FSTL5: variants seen among roughly 807,000 people sequenced by gnomAD.
The protein encoded by FSTL5 is follistatin like 5.
Under a neutral mutation model 89.1 loss-of-function variants are expected in FSTL5, and 62 were observed. The observed-to-expected ratio is 0.70, with a 90% CI of 0.57 to 0.86. The LOEUF is 0.86. Among genes scored for constraint, FSTL5 ranks in the 40% least tolerant of loss-of-function variants. The probability of loss-of-function intolerance (pLI) is 0.00; values close to 1 mark genes in which losing one functional copy is unlikely to be tolerated. For missense variants in FSTL5, 1,057 were observed against 1,001.6 expected (o/e 1.06, Z -0.75); for synonymous variants, 383 against 346.2 (o/e 1.11, Z -1.18).
intron 3 of FSTL5, among the ~76,000 whole-genome samples, chr4:162,006,213 T>C (rs1455421039): frequency 6.6e-6 from 1 of 152,046 alleles, no homozygotes; most frequent in East Asian, 1.9e-4. Context: ...GGTAGATTCT[T>C]ACCCTTTTAT....
intron 3 of FSTL5, among the ~76,000 whole-genome samples, chr4:161,987,150 T>G (rs1464182338): frequency 1.3e-5 from 2 of 152,130 alleles, no homozygotes; most frequent in African/African-American, 4.8e-5. Flanking sequence ...TTATCAAACC[T>G]AATCCACTTA....
chr4:161,431,641 C>T (rs957112714), intron 15 of FSTL5, among the ~76,000 whole-genome samples: 1 of 151,926 alleles, frequency 6.6e-6, no homozygotes, highest in Admixed American at 6.6e-5. Flanking sequence ...TGTAAATGGA[C>T]TAAACTCTTC....
intron 6 of FSTL5, among the ~76,000 whole-genome samples, chr4:161,741,395 G>C (rs991099374): frequency 6.6e-6 from 1 of 152,130 alleles, no homozygotes; most frequent in Non-Finnish European, 1.5e-5. Context: ...AATGTTACTG[G>C]TTTTAAAGGT....
At chr4:161,831,108 G>T (rs538135616) in intron 4 of FSTL5, among the ~76,000 whole-genome samples, 1 of 151,608 alleles carries the variant, frequency 6.6e-6, no homozygotes, top group Non-Finnish European at 1.5e-5. Flanking sequence ...CTGCTCTTGC[G>T]GTGAGAGTGG....
At chr4:161,976,909 CT>C (rs1294371068) in intron 3 of FSTL5, among the ~76,000 whole-genome samples, 1 of 152,148 alleles carries the variant, frequency 6.6e-6, no homozygotes, top group African/African-American at 2.4e-5. Flanking sequence ...ATGATTGAAA[CT>C]TTGTTGATAT....
intron 3 of FSTL5, among the ~76,000 whole-genome samples, chr4:162,023,424 A>C (rs1737168385): frequency 1.3e-5 from 2 of 152,136 alleles, no homozygotes; most frequent in South Asian, 4.1e-4. Context: ...AACCACACAC[A>C]TGTTTTCTCT....
intron 15 of FSTL5, among the ~76,000 whole-genome samples, chr4:161,396,477 A>T (rs1031800944): frequency 6.8e-6 from 1 of 147,174 alleles, no homozygotes; most frequent in Non-Finnish European, 1.5e-5. Flanking sequence ...CTCCATCTCT[A>T]CTAAAAATAC....
intron 2 of FSTL5, among the ~76,000 whole-genome samples, chr4:162,081,237 T>C (rs1730086081): frequency 6.6e-6 from 1 of 151,598 alleles, no homozygotes; most frequent in Admixed American, 6.6e-5. Flanking sequence ...AGCACCAAAA[T>C]GCTCTTAACA....
chr4:162,005,047 T>C (rs1736578069), intron 3 of FSTL5, among the ~76,000 whole-genome samples: 1 of 152,162 alleles, frequency 6.6e-6, no homozygotes, highest in Non-Finnish European at 1.5e-5. Context: ...ATGCTGTGTC[T>C]GTCTCTCTAA....
chr4:162,105,290 G>A (rs1579031660), intron 2 of FSTL5, among the ~76,000 whole-genome samples: 1 of 152,082 alleles, frequency 6.6e-6, no homozygotes, highest in African/African-American at 2.4e-5. Context: ...GTTAATTATA[G>A]CCTCCATACT....
chr4:161,997,296 T>C (rs948426510), intron 3 of FSTL5, among the ~76,000 whole-genome samples: 3 of 152,214 alleles, frequency 2.0e-5, no homozygotes, highest in Non-Finnish European at 4.4e-5. Flanking sequence ...TTTTCCAATA[T>C]ATCTTAAGAT....
intron 3 of FSTL5, among the ~76,000 whole-genome samples, chr4:162,025,699 T>C (rs1336715351): frequency 5.3e-5 from 8 of 152,060 alleles, no homozygotes; most frequent in Non-Finnish European, 8.8e-5. Context: ...ACCCATGTAA[T>C]GAGTTGCAAC....
At chr4:161,713,648 TCA>T (rs149521217) in intron 6 of FSTL5, among the ~76,000 whole-genome samples, 10 of 151,510 alleles carry the variant, frequency 6.6e-5, no homozygotes, top group African/African-American at 9.7e-5. Context: ...CCATTCAAAA[TCA>T]CACACACACA....
rs1441547740 is a variant in FSTL5 at position 161,776,078 on chromosome 4, T to C, written c.410-4A>G. 1.4e-6 allele frequency: 2 copies of C among 1,409,654 alleles called. No individual in the cohort carries two copies. The allele number at this position is 1,409,654 out of a possible 1,614,324, so 87.3% of individuals were successfully genotyped here. A position where few individuals can be genotyped will look rare whatever the true frequency, so the allele number is the denominator to read the frequency against. ...TCAGTAGTCTTGCACTTATCTCCTG[T>C]AACAAAAGAACTAGTTATTTTCAAG... is the stretch of plus-strand genomic sequence containing the variant. On this transcript the variant is annotated splice_polypyrimidine_tract_variant and splice_region_variant and intron_variant, in intron 4 of 15. Coordinates refer to ENST00000306100, the MANE Select transcript of FSTL5 (RefSeq NM_020116.5).
chr4:161,417,110 G>A (rs534921435), intron 15 of FSTL5, among the ~76,000 whole-genome samples: 1 of 152,176 alleles, frequency 6.6e-6, no homozygotes, highest in South Asian at 2.1e-4. Flanking sequence ...ATGTTATTTA[G>A]TTTAAAGTCA....
intron 3 of FSTL5, 31 bp downstream of exon 3, chr4:162,033,594 T>A: frequency 8.1e-7 from 1 of 1,228,358 alleles, no homozygotes; most frequent in Non-Finnish European, 1.2e-6. Context: ...TGAACTTATA[T>A]AATTGTTATC....
At chr4:161,886,667 T>A (rs1332807771) in intron 4 of FSTL5, among the ~76,000 whole-genome samples, 1 of 152,304 alleles carries the variant, frequency 6.6e-6, no homozygotes, top group Non-Finnish European at 1.5e-5. Context: ...CATCATTACC[T>A]TTATCTGTAT....
intron 15 of FSTL5, among the ~76,000 whole-genome samples, chr4:161,401,817 G>A (rs1266693122): frequency 6.6e-6 from 1 of 152,010 alleles, no homozygotes; most frequent in Non-Finnish European, 1.5e-5. Flanking sequence ...ATGAGCCACC[G>A]CACCCAGCCT....
chr4:161,528,454 A>C (rs1731303814), intron 10 of FSTL5, among the ~76,000 whole-genome samples: 1 of 143,618 alleles, frequency 7.0e-6, no homozygotes, highest in African/African-American at 2.5e-5. Flanking sequence ...ATTCAGACAC[A>C]GTCAGCCTTT....
Sources: gnomAD v4.1 joint callset for allele counts (sites outside exome capture counted in the v4.1 genomes callset) on GRCh38, gnomAD v4.1.1 for gene constraint, MANE v1.5 for transcripts, NCBI Gene and HGNC (gene_info 2026-07-23, HGNC 2026-07-21) for gene names.